The following OVOL2 variants were observed in gnomAD, a reference collection of about 807,000 sequenced individuals.
The protein encoded by OVOL2 is transcription factor Ovo-like 2.
Under a neutral mutation model 18.1 loss-of-function variants are expected in OVOL2, and 13 were observed. The observed-to-expected ratio is 0.72, with a 90% CI of 0.47 to 1.14. OVOL2 has a LOEUF of 1.14. OVOL2 is among the 50% of genes most tolerant of loss of function. The pLI is 0.00. For synonymous variants in OVOL2, 166 were observed against 162.7 expected (o/e 1.02, Z -0.16); for missense variants, 335 against 383.0 (o/e 0.87, Z 1.05).
chr20:18,030,221 C>T (rs1380149228), intron 3 of OVOL2, among the ~76,000 whole-genome samples: 1 of 152,222 alleles, frequency 6.6e-6, no homozygotes, highest in African/African-American at 2.4e-5. Flanking sequence ...TCCCGGCCTT[C>T]TGGGCCCATG....
In OVOL2 at chr20:18,056,411, C is replaced by T. The variant is rs1041106310; in HGVS notation, c.321+246G>A. Among the ~76,000 whole-genome samples the T allele has an allele frequency of 2.0e-5, 3 of 152,168 alleles. No homozygotes were observed. The highest frequency in any genetic ancestry group is 2.9e-5 in the Non-Finnish European group (2 of 68,008). ...GGCAGCACTCGGCATCAGGCGGGGC[C>T]ACCGGGAGGACGGAGCCCACTCCGG... On this transcript the variant is annotated intron_variant, in intron 2 of 3. Transcript: ENST00000278780. This position sits in a 1 kb window ranked among gnomAD's most constrained non-coding sequence, Gnocchi z 4.2.
In OVOL2 at chr20:18,037,187, C is replaced by A. The variant is rs935055237; in HGVS notation, c.511+4347G>T. ...CTGCAACAGGGCAGGCTGGTGAGGC[C>A]CCTGCCTCAGGGGGAATGCTGAGGA... On this transcript the variant is annotated intron_variant, in intron 3 of 3. Transcript: ENST00000278780. Among the ~76,000 whole-genome samples the A allele has an allele frequency of 3.3e-5, 5 of 151,892 alleles. No homozygotes were observed. The South Asian group carries it at 8.3e-4, about 25-fold the overall frequency.
Position 18,056,778 on chromosome 20 carries a change from C to T in OVOL2, c.200G>A (p.Gly67Glu). The change falls in exon 2 of 4, where the codon GGA becomes GAA. Residue 67 changes from glycine (G) to glutamate (E), a missense_variant. Gly to Glu is a moderately conservative substitution (Grantham distance 98). Transcript: ENST00000278780. The surrounding 1 kb of genome is among the most constrained non-coding windows in gnomAD (Gnocchi z 4.2). The stretch of plus-strand genomic sequence containing the variant: ...GTGCGGGGACGAGCTGCTCTCTGCT[C>T]CTCCAGGCTCCCCCGCGCTGCTGCT... The part of the protein sequence containing the change: ...SGSSSAGEPG[G>E]AESSSSPHAP... 3 of 1,506,266 alleles carry T rather than the reference C, an allele frequency of 2.0e-6. No homozygotes were observed. The highest frequency in any genetic ancestry group is 2.6e-6 in the Non-Finnish European group (3 of 1,135,178). 93.3% of individuals were successfully genotyped at this position (1,506,266 alleles called of 1,614,324 possible). A position where few individuals can be genotyped will look rare whatever the true frequency, so the allele number is the denominator to read the frequency against.
Position 18,056,646 on chromosome 20 carries a change from C to T in OVOL2, c.321+11G>A. The T allele has an allele frequency of 4.3e-6, 6 of 1,403,394 alleles. No individual in the cohort carries two copies. Among genetic ancestry groups the T allele is most frequent in the South Asian group, 1.6e-5 (1 of 61,114 alleles). 86.9% of individuals were successfully genotyped at this position (1,403,394 alleles called of 1,614,324 possible). On this transcript the variant is annotated intron_variant, in intron 2 of 3. Coordinates refer to ENST00000278780, the MANE Select transcript of OVOL2 (RefSeq NM_021220.4). The surrounding 1 kb of genome is among the most constrained non-coding windows in gnomAD (Gnocchi z 4.2). ...GTGCAGGTGGCGGCGGGGGCAGAGT[C>T]GACACAGTACCTTGATTTTCGATCT...
rs1407109926 is a variant in OVOL2, at chr20:18,056,737, T to TTTCGCTCTCGGGGGC, written c.226_240dup (p.Ala76_Glu80dup). On this transcript the variant is annotated inframe_insertion, in exon 2 of 4. Transcript: ENST00000278780. The surrounding 1 kb of genome is among the most constrained non-coding windows in gnomAD (Gnocchi z 4.2). ...CCCTCGGCGTCGCCGGGCTCGGGGGTTTCGCTCTCGGGGGCGTGCGGGGAC... is the reference window on the plus strand; with the variant it reads ...CCCTCGGCGTCGCCGGGCTCGGGGGTTTCGCTCTCGGGGGCTTCGCTCTCGGGGGCGTGCGGGGAC... The TTTCGCTCTCGGGGGC allele has an allele frequency of 6.8e-7, 1 of 1,480,452 alleles. No homozygotes were observed. Among genetic ancestry groups the TTTCGCTCTCGGGGGC allele is most frequent in the Non-Finnish European group, 8.9e-7 (1 of 1,122,658 alleles). 91.7% of individuals were successfully genotyped at this position (1,480,452 alleles called of 1,614,324 possible). A position where few individuals can be genotyped will look rare whatever the true frequency, so the allele number is the denominator to read the frequency against.
chr20:18,027,961 T>C (rs910939142), intron 3 of OVOL2, among the ~76,000 whole-genome samples: 1 of 151,620 alleles, frequency 6.6e-6, no homozygotes, highest in Non-Finnish European at 1.5e-5. Flanking sequence ...CACAAAAGCA[T>C]GGAAGTTGAG....
chr20:18,037,135 C>CAAAAAAAAA (rs762848266), intron 3 of OVOL2, among the ~76,000 whole-genome samples: 1 of 73,434 alleles, frequency 1.4e-5, no homozygotes, highest in African/African-American at 4.6e-5. Context: ...GACTCCGTCT[C>CAAAAAAAAA]AAAAAAAAAA....
rs370136500 is a variant in OVOL2 at position 18,054,526 on chromosome 20, T to TG, written c.321+2130dup. 3.4e-3 allele frequency among the ~76,000 whole-genome samples: 519 copies of TG among 152,272 alleles called. 3 individuals carry two copies. The highest frequency in any genetic ancestry group is 0.012 in the African/African-American group (497 of 41,546). On this transcript the variant is annotated intron_variant, in intron 2 of 3. Coordinates refer to ENST00000278780, the MANE Select transcript of OVOL2 (RefSeq NM_021220.4). ...GGGAGGCTGAGGCAGGCGGATCACC[T>TG]GAGGTCGGGAGTTCAAGACCAGGCT...
chr20:18,029,808 G>A (rs1171999215), intron 3 of OVOL2, among the ~76,000 whole-genome samples: 3 of 151,996 alleles, frequency 2.0e-5, no homozygotes, highest in Admixed American at 1.3e-4. Flanking sequence ...GGAGATCCCT[G>A]TCTTTACAAA....
chr20:18,053,555 G>C (rs1028899347), intron 2 of OVOL2, among the ~76,000 whole-genome samples: 9 of 152,100 alleles, frequency 5.9e-5, no homozygotes, highest in Admixed American at 1.3e-4. Flanking sequence ...ACAAAAATCA[G>C]CCAGGCTTTG....
At chr20:18,034,316 C>G (rs982817686) in intron 3 of OVOL2, among the ~76,000 whole-genome samples, 3 of 152,260 alleles carry the variant, frequency 2.0e-5, no homozygotes, top group African/African-American at 7.2e-5. Flanking sequence ...AAGTCCCTGC[C>G]CCCACCTTGC....
chr20:18,034,130 C>T (rs2036594023), intron 3 of OVOL2, among the ~76,000 whole-genome samples: 1 of 152,126 alleles, frequency 6.6e-6, no homozygotes, highest in African/African-American at 2.4e-5. Flanking sequence ...GCTTCCCATC[C>T]AGACCGCTTT....
chr20:18,053,960 C>G (rs759267769), intron 2 of OVOL2, among the ~76,000 whole-genome samples: 6 of 152,146 alleles, frequency 3.9e-5, no homozygotes, highest in Non-Finnish European at 5.9e-5. Context: ...GCCCTCAGGC[C>G]CACCCGCCTC....
intron 3 of OVOL2, among the ~76,000 whole-genome samples, chr20:18,032,389 GAA>G (rs2036579721): frequency 1.3e-5 from 2 of 150,686 alleles, no homozygotes; most frequent in African/African-American, 4.9e-5. Context: ...AGGAAGGAAG[GAA>G]GGAAGGGAGG....
At chr20:18,046,262 G>C (rs1296790666) in intron 2 of OVOL2, among the ~76,000 whole-genome samples, 3 of 152,138 alleles carry the variant, frequency 2.0e-5, no homozygotes, top group African/African-American at 7.2e-5. Context: ...CTTGAAATTT[G>C]GTTTGTAATA....
chr20:18,025,231 C>T (rs1012055920), intron 3 of OVOL2, among the ~76,000 whole-genome samples: 1 of 152,158 alleles, frequency 6.6e-6, no homozygotes, highest in African/African-American at 2.4e-5. Context: ...ACTCACATAC[C>T]TTAATGTTTT....
At chr20:18,033,362 T>G (rs939307959) in intron 3 of OVOL2, among the ~76,000 whole-genome samples, 1 of 152,220 alleles carries the variant, frequency 6.6e-6, no homozygotes, top group African/African-American at 2.4e-5. Flanking sequence ...AGGAATGGCA[T>G]GAGCCCTGAA....
At chr20:18,054,783 G>A (rs6034946) in intron 2 of OVOL2, among the ~76,000 whole-genome samples, 24,769 of 110,490 alleles carry the variant, frequency 0.22, 2,844 homozygotes, top group African/African-American at 0.34. Context: ...AAAAAAAAAA[G>A]AAAGAAAAGA....
chr20:18,034,002 T>C (rs1222818386), intron 3 of OVOL2, among the ~76,000 whole-genome samples: 1 of 152,192 alleles, frequency 6.6e-6, no homozygotes, highest in South Asian at 2.1e-4. Context: ...TGGAAGCTCA[T>C]GTCCCCTCTC....
Sources: allele counts gnomAD v4.1 joint callset (sites outside exome capture counted in the v4.1 genomes callset), GRCh38; gene constraint gnomAD v4.1.1; non-coding constraint Gnocchi (gnomAD v3.1); transcripts MANE v1.5; gene names NCBI Gene and HGNC (gene_info 2026-07-23, HGNC 2026-07-21).